Variants in SRPK2 observed in about 807,000 individuals in gnomAD.
SRPK2 encodes SFRS protein kinase 2.
In SRPK2, 21 loss-of-function variants were observed where a neutral mutation model predicts 90.8. The ratio of observed to expected loss-of-function variants is 0.23; its 90% CI spans 0.16 to 0.33. The LOEUF (loss-of-function observed/expected upper bound fraction) is 0.33, where lower values mean the gene tolerates loss of function less well. Ranked by LOEUF, SRPK2 falls within the 10% of genes least tolerant of loss-of-function variation. The pLI is 1.00. For synonymous variants in SRPK2, 288 were observed against 311.1 expected, an observed-to-expected ratio of 0.93 and a Z score of 0.78; for missense variants, 620 against 869.0, an observed-to-expected ratio of 0.71 and a Z score of 3.60.
At chr7:105,184,787 A>T (rs1226722422) in intron 3 of SRPK2, among the ~76,000 whole-genome samples, 1 of 152,222 alleles carries the variant, frequency 6.6e-6, no homozygotes, top group Non-Finnish European at 1.5e-5. Flanking sequence ...TTGCTGCAAA[A>T]ATACTTAATA....
intron 2 of SRPK2, among the ~76,000 whole-genome samples, chr7:105,334,024 G>A (rs1814762850): frequency 6.6e-6 from 1 of 152,122 alleles, no homozygotes; most frequent in African/African-American, 2.4e-5. Context: ...CCGGTTTCAA[G>A]TCATTCTCCT....
rs554695828 is a variant in SRPK2 at position 105,163,816 on chromosome 7, A to T, written c.515-3203T>A. Among the ~76,000 whole-genome samples, 16 of 151,768 alleles carry T rather than the reference A, an allele frequency of 1.1e-4. No homozygotes were observed. The South Asian group carries it at 3.3e-3, about 32-fold the overall frequency. ...ACAAGAGCAAAATTCCATCTCAAAG[A>T]AAAAAAAAGTTTGCACCCTAATTGA... On this transcript the variant is annotated intron_variant, in intron 6 of 15. Transcript: ENST00000393651.
chr7:105,377,675 G>A (rs369627061), intron 2 of SRPK2, among the ~76,000 whole-genome samples: 1 of 151,996 alleles, frequency 6.6e-6, no homozygotes, highest in East Asian at 1.9e-4. Context: ...ACTCCAGCCT[G>A]AGCAACAGAG....
intron 13 of SRPK2, among the ~76,000 whole-genome samples, chr7:105,129,886 C>T (rs183488436): frequency 1.3e-5 from 2 of 152,164 alleles, no homozygotes; most frequent in Admixed American, 6.5e-5. Flanking sequence ...TGACCAGTGC[C>T]GAAGAAGTCT....
At chr7:105,210,100 T>C (rs1796674657) in intron 2 of SRPK2, among the ~76,000 whole-genome samples, 1 of 152,198 alleles carries the variant, frequency 6.6e-6, no homozygotes, top group Non-Finnish European at 1.5e-5. Context: ...AGAGTTCCGA[T>C]TTCCTCTCAG....
chr7:105,346,177 C>T lies in SRPK2; in HGVS notation c.71+42471G>A, dbSNP rs1585811434. On this transcript the variant is annotated intron_variant, in intron 2 of 15. Transcript: ENST00000393651. ...GCAAAATAATCACCAAATGCCTTTACCAAGGTTTTAAAGTTTTTTAAAAAA... is the reference window on the plus strand; with the variant it reads ...GCAAAATAATCACCAAATGCCTTTATCAAGGTTTTAAAGTTTTTTAAAAAA... Among the ~76,000 whole-genome samples, 3 of 152,178 alleles carry T rather than the reference C, an allele frequency of 2.0e-5. No individual in the cohort carries two copies. The South Asian group carries it at 6.2e-4, about 31-fold the overall frequency.
At chr7:105,185,056 TTGTATC>T (rs1793397815) in intron 3 of SRPK2, among the ~76,000 whole-genome samples, 1 of 152,132 alleles carries the variant, frequency 6.6e-6, no homozygotes, top group African/African-American at 2.4e-5. Context: ...TGGACATTGT[TTGTATC>T]TGTTCAAAAA....
intron 2 of SRPK2, among the ~76,000 whole-genome samples, chr7:105,311,591 G>C (rs1026492626): frequency 8.5e-5 from 13 of 152,128 alleles, no homozygotes; most frequent in Admixed American, 7.2e-4. Flanking sequence ...AAAAACACAT[G>C]AAAAGATGCT....
At chr7:105,229,741 A>T (rs1057412169) in intron 2 of SRPK2, among the ~76,000 whole-genome samples, 1 of 148,324 alleles carries the variant, frequency 6.7e-6, no homozygotes, top group African/African-American at 2.5e-5. Context: ...TCATATACAG[A>T]GCAAAAAGAT....
At chr7:105,326,318 T>C (rs1813588539) in intron 2 of SRPK2, among the ~76,000 whole-genome samples, 1 of 152,106 alleles carries the variant, frequency 6.6e-6, no homozygotes, top group Non-Finnish European at 1.5e-5. Context: ...GTGGCCAGAG[T>C]GACTTTTTAA....
intron 13 of SRPK2, among the ~76,000 whole-genome samples, chr7:105,129,440 T>G (rs1801681826): frequency 6.6e-6 from 1 of 152,206 alleles, no homozygotes; most frequent in East Asian, 1.9e-4. Flanking sequence ...AGCGGCACAA[T>G]TTTGGCTCAC....
At position 105,247,531 on chromosome 7, in the gene SRPK2, A is replaced by AACACACACACATAAACACAC. The variant is rs1801853723; in HGVS notation, c.72-43747_72-43746insGTGTGTTTATGTGTGTGTGT. 2.8e-5 allele frequency among the ~76,000 whole-genome samples: 4 copies of AACACACACACATAAACACAC among 145,162 alleles called. No individual in the cohort carries two copies. In the East Asian group the frequency reaches 8.2e-4, roughly 30 times the overall value. The stretch of plus-strand genomic sequence containing the variant: ...ATACCAAAAAACACACACACACATA[A>AACACACACACATAAACACAC]ACACACACACACACACACACACACA... On this transcript the variant is annotated intron_variant, in intron 2 of 15. Transcript: ENST00000393651.
chr7:105,398,008 G>A (rs1199877296), intron 1 of SRPK2, among the ~76,000 whole-genome samples: 1 of 151,878 alleles, frequency 6.6e-6, no homozygotes, highest in Non-Finnish European at 1.5e-5. Context: ...TTTTTTATTC[G>A]ACCATATTTA....
chr7:105,279,199 G>A (rs1397426544), intron 2 of SRPK2, among the ~76,000 whole-genome samples: 1 of 152,026 alleles, frequency 6.6e-6, no homozygotes, highest in East Asian at 1.9e-4. Context: ...GGTGCCAGAG[G>A]GCGGGCGGCG....
chr7:105,145,102 GT>G (rs1387968904), intron 9 of SRPK2, among the ~76,000 whole-genome samples, 180 bp downstream of exon 9: 1 of 59,914 alleles, frequency 1.7e-5, no homozygotes, highest in Non-Finnish European at 3.4e-5. Context: ...GTGAAACTCA[GT>G]TTTCAAAAAA....
intron 2 of SRPK2, among the ~76,000 whole-genome samples, chr7:105,218,362 G>A (rs3779209): frequency 0.17 from 25,540 of 152,154 alleles, 2,814 homozygotes; most frequent in East Asian, 0.58. Flanking sequence ...AGAATCAAGA[G>A]ATTCTTCTGA....
At chr7:105,130,832 C>T (rs1293930727) in intron 13 of SRPK2, among the ~76,000 whole-genome samples, 2 of 151,410 alleles carry the variant, frequency 1.3e-5, no homozygotes, top group Non-Finnish European at 2.9e-5. Flanking sequence ...CTTATGACAA[C>T]CAACTGAAAA....
chr7:105,264,267 C>T (rs1484038224), intron 2 of SRPK2, among the ~76,000 whole-genome samples: 1 of 152,070 alleles, frequency 6.6e-6, no homozygotes, highest in Non-Finnish European at 1.5e-5. Context: ...CCAGGTATAG[C>T]TTTTTGCTCT....
chr7:105,140,184 C>T (rs1315790186), intron 11 of SRPK2, among the ~76,000 whole-genome samples: 3 of 152,198 alleles, frequency 2.0e-5, no homozygotes, highest in South Asian at 2.1e-4. Flanking sequence ...CTATTTCCCA[C>T]CTGAAGTTAG....
Sources: allele counts gnomAD v4.1 joint callset (sites outside exome capture counted in the v4.1 genomes callset), GRCh38; gene constraint gnomAD v4.1.1; transcripts MANE v1.5; gene names NCBI Gene and HGNC (gene_info 2026-07-23, HGNC 2026-07-21).